The following BTBD9 variants were observed in gnomAD, a reference collection of about 807,000 sequenced individuals.
BTBD9 encodes the protein BTB/POZ domain-containing protein 9.
A neutral mutation model predicts 64.3 loss-of-function variants in BTBD9; 49 were observed. That is an observed-to-expected ratio of 0.76 (90% confidence interval 0.61 to 0.97). The LOEUF is 0.97. Among genes scored for constraint, BTBD9 ranks in the 50% least tolerant of loss-of-function variants. The probability of loss-of-function intolerance (pLI) is 0.00; values close to 1 mark genes in which losing one functional copy is unlikely to be tolerated. For missense variants in BTBD9, 598 were observed against 762.1 expected (o/e 0.78, Z 2.53); for synonymous variants, 260 against 274.7 (o/e 0.95, Z 0.53).
intron 1 of BTBD9, among the ~76,000 whole-genome samples, chr6:38,626,990 A>G (rs752458836): frequency 1.3e-5 from 2 of 152,262 alleles, no homozygotes; most frequent in African/African-American, 2.4e-5. Flanking sequence ...TAAAGTATAC[A>G]TATTTTAATG....
chr6:38,227,778 T>C (rs1763449526), intron 9 of BTBD9, among the ~76,000 whole-genome samples: 1 of 152,228 alleles, frequency 6.6e-6, no homozygotes, highest in Non-Finnish European at 1.5e-5. Context: ...CTCAGGGATC[T>C]TGTGCTCTGA....
intron 6 of BTBD9, among the ~76,000 whole-genome samples, chr6:38,351,335 G>C (rs1428537200): frequency 6.6e-6 from 1 of 152,160 alleles, no homozygotes; most frequent in Non-Finnish European, 1.5e-5. Flanking sequence ...GAGCTATCAT[G>C]TCCTGGCACC....
chr6:38,585,101 T>C (rs1186406801), intron 4 of BTBD9, among the ~76,000 whole-genome samples: 3 of 151,970 alleles, frequency 2.0e-5, no homozygotes, highest in African/African-American at 7.3e-5. Context: ...CTCACTGTAC[T>C]AGACTCAGCC....
intron 8 of BTBD9, among the ~76,000 whole-genome samples, chr6:38,276,100 A>G (rs528729750): frequency 6.6e-6 from 1 of 152,338 alleles, no homozygotes; most frequent in East Asian, 1.9e-4. Context: ...GAACCAACCC[A>G]AATGTCCAAC....
At chr6:38,604,908 T>G (rs753111428) in intron 1 of BTBD9, among the ~76,000 whole-genome samples, 1 of 152,212 alleles carries the variant, frequency 6.6e-6, no homozygotes, top group Non-Finnish European at 1.5e-5. Context: ...CATGCTATGT[T>G]GCCCAGGCTA....
chr6:38,611,198 T>C (rs761324695), intron 1 of BTBD9, among the ~76,000 whole-genome samples: 1 of 151,954 alleles, frequency 6.6e-6, no homozygotes, highest in Non-Finnish European at 1.5e-5. Flanking sequence ...AACACAGACA[T>C]AGAAAAAAGA....
At chr6:38,490,804 G>A (rs556628158) in intron 6 of BTBD9, among the ~76,000 whole-genome samples, 70 of 152,262 alleles carry the variant, frequency 4.6e-4, no homozygotes, top group African/African-American at 1.5e-3. Context: ...TTTGACATGT[G>A]GCTTATAGAA....
At chr6:38,225,604 A>C (rs1325477706) in intron 9 of BTBD9, among the ~76,000 whole-genome samples, 1 of 152,248 alleles carries the variant, frequency 6.6e-6, no homozygotes, top group Admixed American at 6.5e-5. Context: ...AAGGAACTTA[A>C]TGCCTAATGG....
intron 6 of BTBD9, among the ~76,000 whole-genome samples, chr6:38,576,018 A>G (rs1451037663): frequency 6.6e-6 from 1 of 152,220 alleles, no homozygotes; most frequent in Non-Finnish European, 1.5e-5. Flanking sequence ...AGGAGCTTTC[A>G]GGTGGGTAAA....
chr6:38,556,750 A>G (rs1775042671), intron 6 of BTBD9, among the ~76,000 whole-genome samples: 1 of 151,510 alleles, frequency 6.6e-6, no homozygotes, highest in Non-Finnish European at 1.5e-5. Context: ...GGCGCGGTGG[A>G]TCATGCCTGT....
intron 6 of BTBD9, among the ~76,000 whole-genome samples, chr6:38,367,191 C>T (rs1166510271): frequency 6.6e-6 from 1 of 152,120 alleles, no homozygotes; most frequent in African/African-American, 2.4e-5. Flanking sequence ...CAGCTCTGGC[C>T]CCGAGGGTGG....
At position 38,182,386 on chromosome 6, in the gene BTBD9, A is replaced by G. The variant is rs73734342; in HGVS notation, c.1642-7204T>C. 9.7e-3 allele frequency among the ~76,000 whole-genome samples: 1,477 copies of G among 152,286 alleles called. 19 individuals are homozygous for G. Among genetic ancestry groups the G allele is most frequent in the African/African-American group, 0.034 (1,428 of 41,542 alleles). ...CTTGTCTTAATGGATTCGGCTATAG[A>G]GTGGTAGAGGTATCTTTTAGTTATT... is the stretch of plus-strand genomic sequence containing the variant. On this transcript the variant is annotated intron_variant, in intron 10 of 10. Coordinates refer to ENST00000481247, the MANE Select transcript of BTBD9 (RefSeq NM_001099272.2).
rs367597519 is a variant in BTBD9 at position 38,358,872 on chromosome 6, C to T, written c.1155-13779G>A. 2.6e-4 allele frequency among the ~76,000 whole-genome samples: 39 copies of T among 151,702 alleles called. No individual in the cohort carries two copies. In the South Asian group the frequency reaches 6.0e-3, roughly 24 times the overall value. ...CTGCAAGCTCCGCTTCCCGGGTTCA[C>T]GCCATTCTCCTGCCTCAGCCTCCCG... is the stretch of plus-strand genomic sequence containing the variant. On this transcript the variant is annotated intron_variant, in intron 6 of 10. Transcript: ENST00000481247.
intron 6 of BTBD9, among the ~76,000 whole-genome samples, chr6:38,373,029 T>C (rs2127606447): frequency 6.6e-6 from 1 of 152,222 alleles, no homozygotes; most frequent in South Asian, 2.1e-4. Flanking sequence ...TTTTCTGCAG[T>C]TTGAGGGCTG....
chr6:38,597,574 A>C (rs1428367053), intron 2 of BTBD9, among the ~76,000 whole-genome samples: 1 of 152,210 alleles, frequency 6.6e-6, no homozygotes, highest in African/African-American at 2.4e-5. Context: ...ACCTATGCAA[A>C]AAGAAGCTTT....
chr6:38,221,922 C>T (rs1031433923), intron 9 of BTBD9, among the ~76,000 whole-genome samples: 3 of 151,834 alleles, frequency 2.0e-5, no homozygotes, highest in East Asian at 1.9e-4. Context: ...ACCTGGGAGG[C>T]GGAGGTTGCA....
intron 6 of BTBD9, among the ~76,000 whole-genome samples, chr6:38,562,951 G>C (rs550120529): frequency 2.0e-5 from 3 of 152,186 alleles, no homozygotes; most frequent in African/African-American, 7.2e-5. Context: ...AACTGCTCCT[G>C]CCAAGGTGAA....
At chr6:38,500,175 G>A (rs1311103972) in intron 6 of BTBD9, among the ~76,000 whole-genome samples, 2 of 151,600 alleles carry the variant, frequency 1.3e-5, no homozygotes, top group Non-Finnish European at 2.9e-5. Flanking sequence ...CCCTTAATGA[G>A]GTCTCCAGAG....
intron 6 of BTBD9, among the ~76,000 whole-genome samples, chr6:38,448,356 AT>A (rs777520352): frequency 1.8e-4 from 28 of 152,290 alleles, no homozygotes; most frequent in South Asian, 1.2e-3. Flanking sequence ...GGAGATAAAT[AT>A]TTTTGTAAGC....
Sources: gnomAD v4.1 joint callset for allele counts (sites outside exome capture counted in the v4.1 genomes callset) on GRCh38, gnomAD v4.1.1 for gene constraint, MANE v1.5 for transcripts, NCBI Gene and HGNC (gene_info 2026-07-23, HGNC 2026-07-21) for gene names.